Variants in CLASP2 observed in about 807,000 individuals in gnomAD.
The protein encoded by CLASP2 is cytoplasmic linker associated protein 2.
CLASP2 carries 47 observed loss-of-function variants against 194.4 expected under a neutral mutation model. That is an observed-to-expected ratio of 0.24 (90% confidence interval 0.19 to 0.31). The LOEUF (loss-of-function observed/expected upper bound fraction) is 0.31. Ranked by LOEUF, CLASP2 falls within the 10% of genes least tolerant of loss-of-function variation. CLASP2 has a pLI of 1.00. For missense variants in CLASP2, 1,445 were observed against 1,823.6 expected (o/e 0.79, Z 3.78); for synonymous variants, 619 against 633.5 (o/e 0.98, Z 0.34).
At chr3:33,636,375 A>G (rs181399494) in intron 8 of CLASP2, among the ~76,000 whole-genome samples, 1 of 152,330 alleles carries the variant, frequency 6.6e-6, no homozygotes, top group Non-Finnish European at 1.5e-5. Flanking sequence ...GTGCTCCAAT[A>G]AGAAAACAAA....
At position 33,626,672 on chromosome 3, in the gene CLASP2, T is replaced by C. The variant is rs1260402669; in HGVS notation, c.1035+316A>G. Reference sequence around the variant, plus strand: ...TTATATGACTTGAGGATAGTGCTAATAAGCAACTATATAAGTCCACAGAAA... The same window carrying C: ...TTATATGACTTGAGGATAGTGCTAACAAGCAACTATATAAGTCCACAGAAA... On this transcript the variant is annotated intron_variant, in intron 10 of 38. Transcript: ENST00000682230. Among the ~76,000 whole-genome samples the C allele has an allele frequency of 2.6e-5, 4 of 152,144 alleles. No homozygotes were observed. The East Asian group carries it at 5.8e-4, about 22-fold the overall frequency.
At chr3:33,667,987 A>C (rs1331796342) in intron 6 of CLASP2, among the ~76,000 whole-genome samples, 1 of 152,198 alleles carries the variant, frequency 6.6e-6, no homozygotes, top group Non-Finnish European at 1.5e-5. Flanking sequence ...TGGGAGGCTG[A>C]AGCAGGCAAA....
chr3:33,669,795 G>A (rs764490894), intron 6 of CLASP2, among the ~76,000 whole-genome samples: 1 of 152,048 alleles, frequency 6.6e-6, no homozygotes, highest in Non-Finnish European at 1.5e-5. Context: ...GTAGAATAAT[G>A]GAAACTTGCA....
intron 38 of CLASP2, among the ~76,000 whole-genome samples, chr3:33,499,198 C>T (rs2046260522): frequency 6.6e-6 from 1 of 152,150 alleles, no homozygotes; most frequent in African/African-American, 2.4e-5. Context: ...CTTCGCTCTG[C>T]AGCTCTCCCA....
chr3:33,669,757 C>T (rs1033348716), intron 6 of CLASP2, among the ~76,000 whole-genome samples: 3 of 151,904 alleles, frequency 2.0e-5, no homozygotes, highest in Middle Eastern at 3.2e-3. Context: ...TAAAAATAAG[C>T]CTAACAATAC....
At chr3:33,655,104 C>G (rs55722452) in intron 7 of CLASP2, among the ~76,000 whole-genome samples, 308 of 152,164 alleles carry the variant, frequency 2.0e-3, no homozygotes, top group African/African-American at 7.0e-3. Context: ...TTATTTAGAA[C>G]CTTTACAAAA....
intron 10 of CLASP2, among the ~76,000 whole-genome samples, chr3:33,625,837 T>C (rs1252216960): frequency 6.6e-6 from 1 of 152,038 alleles, no homozygotes; most frequent in Non-Finnish European, 1.5e-5. Flanking sequence ...CTATTAACTT[T>C]TTCTCTGTAG....
intron 29 of CLASP2, among the ~76,000 whole-genome samples, chr3:33,557,696 T>C (rs2061199744): frequency 6.6e-6 from 1 of 152,226 alleles, no homozygotes; most frequent in Non-Finnish European, 1.5e-5. Flanking sequence ...GGTCATAAAA[T>C]GAGTTAAAAA....
chr3:33,552,116 ATTTTTTTTTT>A (rs760891395), intron 29 of CLASP2, among the ~76,000 whole-genome samples: 1 of 135,242 alleles, frequency 7.4e-6, no homozygotes, highest in African/African-American at 2.7e-5. Flanking sequence ...TGGGTTTATA[ATTTTTTTTTT>A]TTTTTTTTTT....
chr3:33,665,395 A>C (rs2086016985), intron 6 of CLASP2, among the ~76,000 whole-genome samples: 1 of 152,062 alleles, frequency 6.6e-6, no homozygotes, highest in Non-Finnish European at 1.5e-5. Context: ...GAAAAGAAGA[A>C]AAAGGGGCCA....
At chr3:33,550,392 C>CAA (rs555351261) in intron 30 of CLASP2, among the ~76,000 whole-genome samples, 1,383 of 50,890 alleles carry the variant, frequency 0.027, 74 homozygotes, top group African/African-American at 0.062. Flanking sequence ...GAGACTGCCT[C>CAA]AAAAAAAAAA....
At chr3:33,607,331 A>AT (rs956528275) in intron 15 of CLASP2, 53 bp downstream of exon 15, 568 of 1,214,544 alleles carry the variant, frequency 4.7e-4, no homozygotes, top group Non-Finnish European at 5.1e-4. Context: ...CTCCTAATAC[A>AT]TTTTTTTTTA....
chr3:33,683,931 C>CAAA (rs35349805), intron 6 of CLASP2, among the ~76,000 whole-genome samples: 2 of 78,860 alleles, frequency 2.5e-5, no homozygotes, highest in South Asian at 4.6e-4. Context: ...GACTCTGTCT[C>CAAA]AAAAAAAAAA....
At chr3:33,632,505 G>T in intron 8 of CLASP2, 134 bp from the exon 9 acceptor site, 1 of 663,290 alleles carries the variant, frequency 1.5e-6, no homozygotes, top group Admixed American at 3.3e-5. Flanking sequence ...TTATAAGAAA[G>T]CATTTAAAAA....
In CLASP2 at chr3:33,687,125, G is replaced by A; in HGVS notation, c.481C>T (p.Gln161Ter). The A allele has an allele frequency of 6.3e-7, 1 of 1,593,382 alleles. No homozygotes were observed. The highest frequency in any genetic ancestry group is 8.6e-7 in the Non-Finnish European group (1 of 1,168,686). ...LIETLNIFGAQPLVISKLIPH... is the reference protein window; with the variant it reads ...LIETLNIFGA ...ATCAATTTGCTGATGACTAGTGGCT[G>A]AGCCCCAAAACTAAATATAATTTGA... Residue 161 changes from glutamine (Q) to a stop codon, truncating the protein, a stop_gained, in exon 5 of 39, where the codon CAG becomes TAG. Coordinates refer to ENST00000682230, the MANE Select transcript of CLASP2 (RefSeq NM_001365631.1). LOFTEE classifies it high-confidence loss of function.
intron 12 of CLASP2, among the ~76,000 whole-genome samples, chr3:33,612,647 C>T (rs1320128133): frequency 6.6e-6 from 1 of 152,118 alleles, no homozygotes; most frequent in Non-Finnish European, 1.5e-5. Flanking sequence ...GTAAAAAGTT[C>T]ATAATAGACA....
At chr3:33,588,491 T>C (rs2154225795) in intron 21 of CLASP2, among the ~76,000 whole-genome samples, 1 of 152,328 alleles carries the variant, frequency 6.6e-6, no homozygotes, top group South Asian at 2.1e-4. Context: ...TGAATGTTTA[T>C]ATCCACGGTA....
At chr3:33,637,175 C>T (rs1271492610) in intron 8 of CLASP2, among the ~76,000 whole-genome samples, 1 of 152,064 alleles carries the variant, frequency 6.6e-6, no homozygotes, top group African/African-American at 2.4e-5. Flanking sequence ...AAACAACTGG[C>T]CTAGACTCCA....
chr3:33,717,378 C>T (rs1467184823), intron 1 of CLASP2, among the ~76,000 whole-genome samples: 1 of 152,044 alleles, frequency 6.6e-6, no homozygotes, highest in African/African-American at 2.4e-5. Context: ...TACGAAGAGG[C>T]GGTCTGCCCA....
Sources: allele counts gnomAD v4.1 joint callset (sites outside exome capture counted in the v4.1 genomes callset), GRCh38; gene constraint gnomAD v4.1.1; transcripts MANE v1.5; gene names NCBI Gene and HGNC (gene_info 2026-07-23, HGNC 2026-07-21).